FBXL2: variants seen among roughly 807,000 people sequenced by gnomAD.
The protein encoded by FBXL2 is F-box/LRR-repeat protein 2.
Under a neutral mutation model 69.2 loss-of-function variants are expected in FBXL2, and 38 were observed. The observed-to-expected ratio is 0.55, with a 90% CI of 0.42 to 0.72. FBXL2 has a LOEUF of 0.72. FBXL2 is among the 30% of genes least tolerant of loss of function. The probability of loss-of-function intolerance (pLI) is 0.00; values close to 1 mark genes in which losing one functional copy is unlikely to be tolerated. For missense variants in FBXL2, 354 were observed against 520.3 expected (o/e 0.68, Z 3.11); for synonymous variants, 192 against 201.3 (o/e 0.95, Z 0.39).
chr3:33,313,081 C>G (rs1371480794), intron 2 of FBXL2, among the ~76,000 whole-genome samples: 2 of 150,674 alleles, frequency 1.3e-5, no homozygotes, highest in Non-Finnish European at 2.9e-5. Flanking sequence ...GATTGTGCCA[C>G]TGCACTCAGC....
At chr3:33,292,243 G>A (rs1163312987) in intron 1 of FBXL2, among the ~76,000 whole-genome samples, 2 of 152,070 alleles carry the variant, frequency 1.3e-5, no homozygotes, top group African/African-American at 2.4e-5. Context: ...AACTGGGTGT[G>A]GTGGTGCACA....
chr3:33,372,965 C>G (rs1174725612), intron 5 of FBXL2, 127 bp from the exon 6 acceptor site: 4 of 802,922 alleles, frequency 5.0e-6, no homozygotes, highest in African/African-American at 3.4e-5. Flanking sequence ...TGACAAGAAC[C>G]CTAGCTGATT....
At chr3:33,379,220 T>C (rs2042851389) in intron 13 of FBXL2, among the ~76,000 whole-genome samples, 1 of 151,984 alleles carries the variant, frequency 6.6e-6, no homozygotes, top group African/African-American at 2.4e-5. Context: ...CAGGCTGGTC[T>C]CGAACTCCTG....
intron 1 of FBXL2, among the ~76,000 whole-genome samples, chr3:33,284,628 C>T (rs1408608269): frequency 6.6e-6 from 1 of 152,252 alleles, no homozygotes; most frequent in Non-Finnish European, 1.5e-5. Flanking sequence ...ATTGATCTGT[C>T]TAATGTTGAC....
At chr3:33,400,393 T>C in intron 12 of FBXL2, 2 of 732,924 alleles carry the variant, frequency 2.7e-6, no homozygotes, top group Non-Finnish European at 4.3e-6. Flanking sequence ...AAAAAGAGCA[T>C]GAGTCTGACT....
intron 2 of FBXL2, among the ~76,000 whole-genome samples, chr3:33,302,404 T>A (rs982443012): frequency 5.9e-5 from 9 of 152,150 alleles, no homozygotes; most frequent in Non-Finnish European, 1.2e-4. Flanking sequence ...AACTCTTCCC[T>A]TTTTGAGAAA....
At chr3:33,331,949 T>C (rs1404650087) in intron 2 of FBXL2, among the ~76,000 whole-genome samples, 1 of 152,084 alleles carries the variant, frequency 6.6e-6, no homozygotes, top group Admixed American at 6.6e-5. Context: ...AAGGAAATTA[T>C]AGACAAAGAA....
intron 2 of FBXL2, among the ~76,000 whole-genome samples, chr3:33,323,364 G>C (rs2038395045): frequency 6.6e-6 from 1 of 152,210 alleles, no homozygotes; most frequent in African/African-American, 2.4e-5. Context: ...AGAACTTGCA[G>C]GTTTGTTACA....
rs552225754 is a variant in FBXL2, at chr3:33,396,122, G to A, written n.1215-7112G>A. ...GAGTCCTTTCCGTTTCTGTCTGACA[G>A]TCTCAGAAGTGACAGAATTGAGATG... On this transcript the variant is annotated intron_variant and non_coding_transcript_variant, in intron 12 of 12. Transcript: ENST00000463736. 8 of 1,493,596 alleles carry A rather than the reference G, an allele frequency of 5.4e-6. No individual in the cohort carries two copies. In the African/African-American group the frequency reaches 8.2e-5, roughly 15 times the overall value. 92.5% of individuals were successfully genotyped at this position (1,493,596 alleles called of 1,614,324 possible).
intron 1 of FBXL2, among the ~76,000 whole-genome samples, chr3:33,282,258 T>C (rs950650144): frequency 1.3e-5 from 2 of 152,224 alleles, no homozygotes; most frequent in African/African-American, 4.8e-5. Flanking sequence ...TTCAGCTTTC[T>C]ATATATGGCT....
chr3:33,371,430 CA>C (rs1302839013), intron 5 of FBXL2, among the ~76,000 whole-genome samples: 1 of 151,736 alleles, frequency 6.6e-6, no homozygotes, highest in Non-Finnish European at 1.5e-5. Flanking sequence ...CTCAGCTTCC[CA>C]AAGTGCTGGG....
chr3:33,415,525 T>C, the FBXL2 span, among the ~76,000 whole-genome samples: 2 of 152,176 alleles, frequency 1.3e-5, no homozygotes, highest in Non-Finnish European at 2.9e-5. Context: ...ATACCAGATA[T>C]ATTTATTATA....
chr3:33,390,437 T>C (rs2043714011), downstream of FBXL2: 1 of 1,557,040 alleles, frequency 6.4e-7, no homozygotes, highest in African/African-American at 1.4e-5. Flanking sequence ...AATGGAAAAC[T>C]CCCTGCCAAC....
At chr3:33,299,244 G>A (rs1011867660) in intron 2 of FBXL2, among the ~76,000 whole-genome samples, 2 of 152,034 alleles carry the variant, frequency 1.3e-5, no homozygotes, top group African/African-American at 4.8e-5. Context: ...GTTTCACTGT[G>A]TTGCCCAGGC....
intron 12 of FBXL2, among the ~76,000 whole-genome samples, chr3:33,395,143 T>C (rs1322408980): frequency 2.6e-5 from 4 of 152,192 alleles, no homozygotes; most frequent in Non-Finnish European, 4.4e-5. Context: ...ATTTTTATCC[T>C]TTAAGAATTT....
chr3:33,385,732 A>G lies in FBXL2; in HGVS notation c.*124A>G. 1 of 745,240 alleles carries G rather than the reference A, an allele frequency of 1.3e-6. No homozygotes were observed. The highest frequency in any genetic ancestry group is 1.7e-5 in the South Asian group (1 of 60,048). 46.2% of individuals were successfully genotyped at this position (745,240 alleles called of 1,614,324 possible). A position where few individuals can be genotyped will look rare whatever the true frequency, so the allele number is the denominator to read the frequency against. ...CCATTGGGAAAGGCATTTACAGGTA[A>G]AAGACTTCTGTATGGATTGCAGTTA... is the stretch of plus-strand genomic sequence containing the variant. On this transcript the variant is annotated 3_prime_UTR_variant, in exon 15 of 15. Transcript: ENST00000484457.
intron 1 of FBXL2, among the ~76,000 whole-genome samples, chr3:33,294,097 A>G (rs1478210889): frequency 2.0e-5 from 3 of 152,192 alleles, no homozygotes; most frequent in Non-Finnish European, 2.9e-5. Flanking sequence ...ATATGTGAAA[A>G]TAACATTTAT....
intron 2 of FBXL2, among the ~76,000 whole-genome samples, chr3:33,337,118 T>G (rs1559562447): frequency 6.6e-6 from 1 of 151,796 alleles, no homozygotes; most frequent in Non-Finnish European, 1.5e-5. Context: ...GGCAGGAGGA[T>G]CGCTTGAACC....
intron 1 of FBXL2, among the ~76,000 whole-genome samples, chr3:33,283,397 C>T (rs113407679): frequency 0.07 from 10,607 of 152,238 alleles, 481 homozygotes; most frequent in East Asian, 0.096. Context: ...AGTGATGAAG[C>T]CAACTTGATC....
Sources: gnomAD v4.1 joint callset for allele counts (sites outside exome capture counted in the v4.1 genomes callset) on GRCh38, gnomAD v4.1.1 for gene constraint, MANE v1.5 for transcripts, NCBI Gene and HGNC (gene_info 2026-07-23, HGNC 2026-07-21) for gene names.